Variants in ITGA9 observed in about 807,000 individuals in gnomAD.
ITGA9 encodes integrin alpha-9.
ITGA9 carries 56 observed loss-of-function variants against 127.8 expected under a neutral mutation model. The observed-to-expected ratio is 0.44, with a 90% CI of 0.35 to 0.55. The LOEUF is 0.55. Among genes scored for constraint, ITGA9 ranks in the 20% least tolerant of loss-of-function variants. The probability of loss-of-function intolerance (pLI) is 0.00; values close to 1 mark genes in which losing one functional copy is unlikely to be tolerated. For missense variants in ITGA9, 1,196 were observed against 1,347.1 expected, an observed-to-expected ratio of 0.89 and a Z score of 1.76; for synonymous variants, 508 against 514.5, an observed-to-expected ratio of 0.99 and a Z score of 0.17.
At chr3:37,485,014 A>G (rs1698594659) in intron 4 of ITGA9, among the ~76,000 whole-genome samples, 1 of 152,198 alleles carries the variant, frequency 6.6e-6, no homozygotes. Flanking sequence ...AGTACTTGTT[A>G]GTTGCCAGAT....
intron 13 of ITGA9, among the ~76,000 whole-genome samples, chr3:37,530,020 A>T (rs1337585777): frequency 6.6e-6 from 1 of 152,228 alleles, no homozygotes; most frequent in African/African-American, 2.4e-5. Flanking sequence ...GATGAAGCAG[A>T]GGGTGACCAC....
At chr3:37,730,139 T>C (rs974883283) in intron 18 of ITGA9, among the ~76,000 whole-genome samples, 1 of 152,260 alleles carries the variant, frequency 6.6e-6, no homozygotes, top group African/African-American at 2.4e-5. Flanking sequence ...AATATATGTA[T>C]ATGTGTATGT....
intron 4 of ITGA9, among the ~76,000 whole-genome samples, chr3:37,489,977 G>A (rs1389944330): frequency 3.9e-5 from 6 of 152,130 alleles, no homozygotes; most frequent in Non-Finnish European, 7.3e-5. Context: ...CTGCTGTGTC[G>A]TTCCCCTATT....
intron 18 of ITGA9, among the ~76,000 whole-genome samples, chr3:37,698,258 T>C (rs1700907758): frequency 1.3e-5 from 2 of 152,228 alleles, no homozygotes; most frequent in African/African-American, 4.8e-5. Flanking sequence ...ATGGGTAGAT[T>C]GCAAAAATTT....
chr3:37,574,228 C>T (rs911171365), intron 15 of ITGA9, among the ~76,000 whole-genome samples: 5 of 152,166 alleles, frequency 3.3e-5, no homozygotes, highest in South Asian at 2.1e-4. Flanking sequence ...TCTTTTAAGA[C>T]TGTTAATAGT....
chr3:37,541,101 G>A (rs982224585), intron 14 of ITGA9, among the ~76,000 whole-genome samples: 1 of 152,208 alleles, frequency 6.6e-6, no homozygotes, highest in African/African-American at 2.4e-5. Context: ...CTCCCCTGGT[G>A]GCTGATCCCA....
intron 18 of ITGA9, among the ~76,000 whole-genome samples, chr3:37,703,912 G>A (rs1700975364): frequency 2.0e-5 from 3 of 152,120 alleles, no homozygotes; most frequent in South Asian, 2.1e-4. Flanking sequence ...GTGAGTGGTG[G>A]GGCTGGGATT....
intron 15 of ITGA9, among the ~76,000 whole-genome samples, chr3:37,604,873 G>T (rs1336741638): frequency 6.6e-6 from 1 of 152,142 alleles, no homozygotes; most frequent in Non-Finnish European, 1.5e-5. Flanking sequence ...AGGCTCATGG[G>T]TGAGGCCTAA....
intron 1 of ITGA9, among the ~76,000 whole-genome samples, chr3:37,467,687 G>T (rs1283623922): frequency 1.3e-5 from 2 of 152,148 alleles, no homozygotes; most frequent in African/African-American, 4.8e-5. Flanking sequence ...ATTACAAGTG[G>T]CAATTAGTCA....
At chr3:37,533,585 A>G (rs971421209) in intron 14 of ITGA9, 117 bp downstream of exon 14, 2 of 944,392 alleles carry the variant, frequency 2.1e-6, no homozygotes, top group African/African-American at 1.6e-5. Context: ...CAGCAGGCAC[A>G]CAGGCTGGAC....
intron 22 of ITGA9, among the ~76,000 whole-genome samples, chr3:37,746,406 CT>C (rs774115360): frequency 9.2e-5 from 14 of 152,126 alleles, no homozygotes; most frequent in Non-Finnish European, 2.1e-4. Flanking sequence ...CAATAAGAGG[CT>C]TTTTTGGCAT....
At position 37,452,704 on chromosome 3, in the gene ITGA9, C is replaced by T; in HGVS notation, c.185+145C>T. The T allele has an allele frequency of 1.4e-6, 1 of 697,918 alleles. No homozygotes were observed. 43.2% of individuals were successfully genotyped at this position (697,918 alleles called of 1,614,324 possible). On this transcript the variant is annotated intron_variant, in intron 1 of 27. Transcript: ENST00000264741. The surrounding 1 kb of genome is among the most constrained non-coding windows in gnomAD (Gnocchi z 7.3). ...ATGTCTCCGTTGCGCGCGGCTCGGC[C>T]GCCGGGGGACGGCGGGAGAAGGGAG... is the stretch of plus-strand genomic sequence containing the variant.
intron 13 of ITGA9, among the ~76,000 whole-genome samples, chr3:37,526,887 G>T (rs1699098742): frequency 6.6e-6 from 1 of 152,218 alleles, no homozygotes; most frequent in Non-Finnish European, 1.5e-5. Flanking sequence ...CCACTGCAGG[G>T]CTACACAGCC....
intron 18 of ITGA9, among the ~76,000 whole-genome samples, chr3:37,711,899 C>T (rs1701083534): frequency 6.6e-6 from 1 of 152,172 alleles, no homozygotes; most frequent in Non-Finnish European, 1.5e-5. Context: ...TGCTGGTGGG[C>T]ACGGACGGGG....
chr3:37,750,610 A>T, intron 23 of ITGA9, 41 bp downstream of exon 23: 4 of 1,410,704 alleles, frequency 2.8e-6, no homozygotes, highest in Non-Finnish European at 4.0e-6. Flanking sequence ...TTCAGCTTTG[A>T]GCCAGCCCAT....
chr3:37,585,673 G>A (rs887817096), intron 15 of ITGA9: 2 of 512,330 alleles, frequency 3.9e-6, no homozygotes, highest in Admixed American at 3.9e-5. Context: ...CTCAACACAA[G>A]GAAACTACAG....
At position 37,629,581 on chromosome 3, in the gene ITGA9, T is replaced by C; in HGVS notation, c.1839+245T>C. 1.6e-6 allele frequency: 1 copy of C among 617,612 alleles called. No homozygotes were observed. Among genetic ancestry groups the C allele is most frequent in the Non-Finnish European group, 2.9e-6 (1 of 348,758 alleles). The allele number at this position is 617,612 out of a possible 1,614,324, so 38.3% of individuals were successfully genotyped here. ...ATTCTCAGGCTGTTAGAAGTTACAA[T>C]CCCCTCGAGTTCGTGAACTGGCTGG... On this transcript the variant is annotated intron_variant, in intron 16 of 27. Transcript: ENST00000264741. The surrounding 1 kb of genome is among the most constrained non-coding windows in gnomAD (Gnocchi z 4.5).
At chr3:37,643,044 G>A (rs557844209) in intron 16 of ITGA9, among the ~76,000 whole-genome samples, 2 of 152,350 alleles carry the variant, frequency 1.3e-5, no homozygotes, top group South Asian at 4.1e-4. Context: ...GAGAGTAGAA[G>A]AGGAGAGGGA....
chr3:37,585,281 A>G (rs1388871654), intron 15 of ITGA9, among the ~76,000 whole-genome samples: 1 of 152,124 alleles, frequency 6.6e-6, no homozygotes, highest in Non-Finnish European at 1.5e-5. Context: ...TAGGTGCTCA[A>G]TAAGTGCATG....
Sources: allele counts gnomAD v4.1 joint callset (sites outside exome capture counted in the v4.1 genomes callset), GRCh38; gene constraint gnomAD v4.1.1; non-coding constraint Gnocchi (gnomAD v3.1); transcripts MANE v1.5; gene names NCBI Gene and HGNC (gene_info 2026-07-23, HGNC 2026-07-21).